Variants in CRY1 observed in about 807,000 individuals in gnomAD.
CRY1 encodes cryptochrome-1.
In CRY1, 45 loss-of-function variants were observed where a neutral mutation model predicts 76.0. The observed-to-expected ratio is 0.59, with a 90% CI of 0.47 to 0.76. The LOEUF (loss-of-function observed/expected upper bound fraction) is 0.76. Among genes scored for constraint, CRY1 ranks in the 30% least tolerant of loss-of-function variants. The pLI is 0.00. For missense variants in CRY1, 587 were observed against 716.4 expected (o/e 0.82, Z 2.06); for synonymous variants, 248 against 244.0 (o/e 1.02, Z -0.15).
At chr12:107,018,648 TA>T (rs1210116234) in intron 2 of CRY1, among the ~76,000 whole-genome samples, 1 of 152,016 alleles carries the variant, frequency 6.6e-6, no homozygotes, top group Non-Finnish European at 1.5e-5. Context: ...AGAATGTTTT[TA>T]AAAAATCTAG....
chr12:107,029,313 G>A lies in CRY1; in HGVS notation c.159-7121C>T, dbSNP rs940040485. Among the ~76,000 whole-genome samples the A allele has an allele frequency of 4.6e-5, 7 of 152,096 alleles. No individual in the cohort carries two copies. The South Asian group carries it at 6.2e-4, about 14-fold the overall frequency. On this transcript the variant is annotated intron_variant, in intron 1 of 12. Coordinates refer to ENST00000008527, the MANE Select transcript of CRY1 (RefSeq NM_004075.5). Reference sequence around the variant, plus strand: ...CTTCCAATCATTGTGACAACTGGCCGGACACAGGGGCTCATGCCTGTAATC... The same window carrying A: ...CTTCCAATCATTGTGACAACTGGCCAGACACAGGGGCTCATGCCTGTAATC...
Position 107,070,213 on chromosome 12 carries a change from T to C in CRY1, c.158+22591A>G, listed in dbSNP as rs191547007. ...AGAACAATTTGTGGTGTCAGGAAAC[T>C]AGAAGTAAACAGGTAGCTATCATTA... On this transcript the variant is annotated intron_variant, in intron 1 of 12. Transcript: ENST00000008527. 8.4e-4 allele frequency among the ~76,000 whole-genome samples: 128 copies of C among 152,266 alleles called. 1 individual carries two copies. The South Asian group carries it at 0.019, about 23-fold the overall frequency.
At chr12:106,998,691 C>CACACACACACACACA (rs968068608) in intron 7 of CRY1, among the ~76,000 whole-genome samples, 1 of 151,042 alleles carries the variant, frequency 6.6e-6, no homozygotes, top group Admixed American at 6.6e-5. Flanking sequence ...CACACACACA[C>CACACACACACACACA]AAGCTCAGAA....
At chr12:107,033,923 A>G (rs1952705434) in intron 1 of CRY1, among the ~76,000 whole-genome samples, 1 of 150,670 alleles carries the variant, frequency 6.6e-6, no homozygotes, top group Non-Finnish European at 1.5e-5. Flanking sequence ...AAAATCCAAC[A>G]CATTTTGAGT....
intron 7 of CRY1, 104 bp downstream of exon 7, chr12:106,999,447 A>G: frequency 1.8e-6 from 2 of 1,096,208 alleles, no homozygotes; most frequent in Non-Finnish European, 1.3e-6. Context: ...CCACTGAAAA[A>G]CTACACCATA....
At chr12:107,073,188 T>G (rs1017106979) in intron 1 of CRY1, 2 of 152,048 alleles carry the variant, frequency 1.3e-5, no homozygotes, top group African/African-American at 4.8e-5. Context: ...CATAAAAGTT[T>G]GAATACAAAA....
rs147174005 is a variant in CRY1 at position 107,053,387 on chromosome 12, G to T, written c.159-31195C>A. Among the ~76,000 whole-genome samples the T allele has an allele frequency of 5.0e-3, 761 of 152,202 alleles. 6 individuals carry two copies. The highest frequency in any genetic ancestry group is 0.017 in the African/African-American group (717 of 41,530). On this transcript the variant is annotated intron_variant, in intron 1 of 12. Coordinates refer to ENST00000008527, the MANE Select transcript of CRY1 (RefSeq NM_004075.5). ...GCTGGAGTGCAATGGCGCAATCTCA[G>T]CTCACCATAACCTCTGCCTCCCGGG... is the stretch of plus-strand genomic sequence containing the variant.
chr12:107,037,532 C>T (rs930112030), intron 1 of CRY1, among the ~76,000 whole-genome samples: 1 of 143,638 alleles, frequency 7.0e-6, no homozygotes, highest in African/African-American at 2.6e-5. Context: ...AACTCAATTT[C>T]AAAAAAAAAA....
intron 1 of CRY1, among the ~76,000 whole-genome samples, chr12:107,036,585 G>T (rs546079258): frequency 7.3e-4 from 101 of 139,068 alleles, no homozygotes; most frequent in African/African-American, 2.2e-3. Flanking sequence ...AAAGTTGGTG[G>T]TTTTTTTTTT....
intron 1 of CRY1, among the ~76,000 whole-genome samples, chr12:107,082,196 T>C (rs955039620): frequency 4.6e-5 from 7 of 152,042 alleles, no homozygotes; most frequent in Non-Finnish European, 8.8e-5. Flanking sequence ...CCCAGATTCA[T>C]AAAGCAAGTT....
intron 1 of CRY1, among the ~76,000 whole-genome samples, chr12:107,055,224 A>T (rs1223336196): frequency 6.6e-6 from 1 of 152,154 alleles, no homozygotes; most frequent in Non-Finnish European, 1.5e-5. Context: ...GCTAAAAATT[A>T]ATACTGAAAA....
At chr12:107,010,075 A>T (rs1451836554) in intron 2 of CRY1, among the ~76,000 whole-genome samples, 4 of 152,124 alleles carry the variant, frequency 2.6e-5, no homozygotes, top group Non-Finnish European at 5.9e-5. Context: ...ATATAGGGCT[A>T]TTCAGGTTTT....
chr12:107,002,805 TAGTG>T (rs1324212986), intron 3 of CRY1, among the ~76,000 whole-genome samples: 3 of 152,152 alleles, frequency 2.0e-5, no homozygotes, highest in African/African-American at 2.4e-5. Context: ...GTTCTCATGA[TAGTG>T]AGTAAGTCTC....
chr12:107,093,111 G>C lies in CRY1; in HGVS notation c.-150C>G. The stretch of plus-strand genomic sequence containing the variant: ...AACAGGAAAAAATGACTCCGAGGAG[G>C]GGACCGGAGAAGGCGGGGGCGCCGG... On this transcript the variant is annotated 5_prime_UTR_variant, in exon 1 of 13. Coordinates refer to ENST00000008527, the MANE Select transcript of CRY1 (RefSeq NM_004075.5). The C allele has an allele frequency of 2.1e-6, 2 of 951,160 alleles. No individual in the cohort carries two copies. The highest frequency in any genetic ancestry group is 3.0e-6 in the Non-Finnish European group (2 of 675,818). 58.9% of individuals were successfully genotyped at this position (951,160 alleles called of 1,614,324 possible).
intron 1 of CRY1, among the ~76,000 whole-genome samples, chr12:107,060,864 G>A (rs1196331303): frequency 6.6e-6 from 1 of 152,138 alleles, no homozygotes; most frequent in Non-Finnish European, 1.5e-5. Flanking sequence ...TGTAGTCCCA[G>A]CTACTCGGGA....
chr12:107,045,802 C>G (rs938263658), intron 1 of CRY1, among the ~76,000 whole-genome samples: 1 of 151,814 alleles, frequency 6.6e-6, no homozygotes, highest in South Asian at 2.1e-4. Flanking sequence ...CACACCGGGG[C>G]CTGTTGTGGG....
chr12:107,000,354 CTTTT>C (rs1008918970), intron 5 of CRY1, among the ~76,000 whole-genome samples: 2 of 147,040 alleles, frequency 1.4e-5, no homozygotes, highest in Non-Finnish European at 3.0e-5. Flanking sequence ...ATCTCTCTCT[CTTTT>C]TTTTTTTTCC....
In CRY1 at chr12:106,993,016, T is replaced by TACC. The variant is rs1469140237; in HGVS notation, c.1603_1605dup (p.Gly535dup). The stretch of plus-strand genomic sequence containing the variant: ...CTGTCGCCATGAGCATAGTGTAAAA[T>TACC]ACCACTCCCTTGAGAGCAACCTGTT... On this transcript the variant is annotated inframe_insertion, in exon 11 of 13. Transcript: ENST00000008527. 6.2e-7 allele frequency: 1 copy of TACC among 1,614,070 alleles called. No individual in the cohort carries two copies. Among genetic ancestry groups the TACC allele is most frequent in the Admixed American group, 1.7e-5 (1 of 60,028 alleles).
intron 1 of CRY1, among the ~76,000 whole-genome samples, chr12:107,083,071 C>T (rs1953347779): frequency 6.6e-6 from 1 of 152,228 alleles, no homozygotes; most frequent in East Asian, 1.9e-4. Flanking sequence ...CACCTCTATG[C>T]AAATAAACTA....
Sources: gnomAD v4.1 joint callset for allele counts (sites outside exome capture counted in the v4.1 genomes callset) on GRCh38, gnomAD v4.1.1 for gene constraint, MANE v1.5 for transcripts, NCBI Gene and HGNC (gene_info 2026-07-23, HGNC 2026-07-21) for gene names.